Variants in NEBL observed in about 807,000 individuals in gnomAD.
NEBL encodes LIM and SH3 protein 2.
In NEBL, 122 loss-of-function variants were observed where a neutral mutation model predicts 140.2. That is an observed-to-expected ratio of 0.87 (90% CI 0.75 to 1.01). The LOEUF is 1.01. Ranked by LOEUF, NEBL falls within the 50% of genes least tolerant of loss-of-function variation. NEBL has a pLI of 0.00. For synonymous variants in NEBL, 436 were observed against 398.9 expected, an observed-to-expected ratio of 1.09 and a Z score of -1.11; for missense variants, 1,365 against 1,231.3, an observed-to-expected ratio of 1.11 and a Z score of -1.62.
chr10:20,834,950 A>G (rs1840731861), intron 14 of NEBL, among the ~76,000 whole-genome samples: 1 of 152,244 alleles, frequency 6.6e-6, no homozygotes, highest in Non-Finnish European at 1.5e-5. Flanking sequence ...TATCCCATGA[A>G]GAAAAAACTG....
intron 2 of NEBL, among the ~76,000 whole-genome samples, chr10:21,027,503 T>C (rs1284276056): frequency 6.9e-6 from 1 of 145,870 alleles, no homozygotes; most frequent in Non-Finnish European, 1.5e-5. Flanking sequence ...AATTTTTGTA[T>C]TTTTTTGTTG....
At chr10:20,975,947 C>A (rs1314012555) in intron 3 of NEBL, among the ~76,000 whole-genome samples, 2 of 152,212 alleles carry the variant, frequency 1.3e-5, no homozygotes, top group Non-Finnish European at 2.9e-5. Context: ...CCCTACTGAC[C>A]CCATCCAGTG....
chr10:21,008,481 G>T (rs1470093903), intron 3 of NEBL, among the ~76,000 whole-genome samples: 4 of 152,062 alleles, frequency 2.6e-5, no homozygotes, highest in African/African-American at 9.7e-5. Context: ...ATCAAAAAGT[G>T]AGCTAAGGAC....
At chr10:21,079,482 CAG>C (rs1456582620) in intron 2 of NEBL, among the ~76,000 whole-genome samples, 8 of 152,196 alleles carry the variant, frequency 5.3e-5, no homozygotes, top group Non-Finnish European at 1.5e-5. Flanking sequence ...AGTGGGCACA[CAG>C]AATTTGTGGA....
chr10:20,792,117 C>T (rs1447364905), intron 26 of NEBL, among the ~76,000 whole-genome samples: 1 of 93,782 alleles, frequency 1.1e-5, no homozygotes, highest in African/African-American at 4.3e-5. Flanking sequence ...GGCCAAATTC[C>T]AAATAGAAAA....
intron 2 of NEBL, among the ~76,000 whole-genome samples, chr10:21,132,607 T>C (rs1407474435): frequency 1.3e-5 from 2 of 152,244 alleles, no homozygotes; most frequent in African/African-American, 2.4e-5. Context: ...CCACCTGCGA[T>C]GTGTGAGAGT....
chr10:20,883,299 T>C (rs867091225), intron 4 of NEBL, among the ~76,000 whole-genome samples: 8 of 152,216 alleles, frequency 5.3e-5, no homozygotes, highest in Admixed American at 2.6e-4. Flanking sequence ...TCCAATCCTG[T>C]GGATTTGGTT....
chr10:20,917,858 C>T (rs894371114), intron 4 of NEBL, among the ~76,000 whole-genome samples: 1 of 152,066 alleles, frequency 6.6e-6, no homozygotes, highest in Non-Finnish European at 1.5e-5. Context: ...TCTTAACTTG[C>T]TCTTATTGAA....
chr10:21,105,331 C>T (rs1387094531), intron 2 of NEBL, among the ~76,000 whole-genome samples: 1 of 151,916 alleles, frequency 6.6e-6, no homozygotes, highest in Non-Finnish European at 1.5e-5. Flanking sequence ...TGCTATCCCT[C>T]CCCCAGTCCC....
chr10:21,174,187 G>A, exon 1 of NEBL: 1 of 331,846 alleles, frequency 3.0e-6, no homozygotes, highest in Non-Finnish European at 4.4e-6. Context: ...CGCCGCGCAG[G>A]CCAAACCCAC....
intron 3 of NEBL, among the ~76,000 whole-genome samples, chr10:21,003,407 C>T (rs796068843): frequency 1.3e-5 from 2 of 152,292 alleles, no homozygotes; most frequent in South Asian, 4.1e-4. Context: ...CTCGCCTGCC[C>T]CACAATCTCT....
intron 2 of NEBL, among the ~76,000 whole-genome samples, chr10:21,115,492 A>G (rs1000250795): frequency 6.6e-6 from 1 of 151,154 alleles, no homozygotes; most frequent in Non-Finnish European, 1.5e-5. Flanking sequence ...TATTTCATCT[A>G]TTCTTTAATT....
At chr10:21,029,758 TG>T in intron 2 of NEBL, 1 of 788,644 alleles carries the variant, frequency 1.3e-6, no homozygotes, top group Non-Finnish European at 2.3e-6. Context: ...TCGATATGGC[TG>T]GCGGTAGGGA....
intron 4 of NEBL, among the ~76,000 whole-genome samples, chr10:20,917,995 T>G (rs1009533666): frequency 1.3e-5 from 2 of 152,170 alleles, no homozygotes; most frequent in Non-Finnish European, 2.9e-5. Context: ...GGATCCAAAA[T>G]GATATATGCA....
intron 2 of NEBL, among the ~76,000 whole-genome samples, chr10:21,248,737 CACCAT>C (rs1274278512): frequency 6.6e-6 from 1 of 152,106 alleles, no homozygotes; most frequent in Non-Finnish European, 1.5e-5. Flanking sequence ...TTTGACAAAC[CACCAT>C]ACCATTTTCC....
chr10:20,899,545 G>T, upstream of NEBL: 1 of 590,584 alleles, frequency 1.7e-6, no homozygotes, highest in Non-Finnish European at 2.5e-6. Context: ...TTCCATTTGA[G>T]ATTCTAGAAT....
intron 3 of NEBL, among the ~76,000 whole-genome samples, chr10:21,226,254 A>G (rs1281308374): frequency 6.6e-6 from 1 of 151,572 alleles, no homozygotes; most frequent in Non-Finnish European, 1.5e-5. Flanking sequence ...CTGGTATCCA[A>G]TTGCAAGATA....
chr10:20,948,892 G>A (rs1009974862), intron 4 of NEBL, among the ~76,000 whole-genome samples: 1 of 152,190 alleles, frequency 6.6e-6, no homozygotes, highest in African/African-American at 2.4e-5. Context: ...AACGCCAAAG[G>A]TGGAAACCAA....
At chr10:21,069,495 C>T (rs911560331) in intron 2 of NEBL, among the ~76,000 whole-genome samples, 6 of 152,202 alleles carry the variant, frequency 3.9e-5, no homozygotes, top group Non-Finnish European at 8.8e-5. Flanking sequence ...TTTGACACCA[C>T]AGCGCCCGCC....
Sources: gnomAD v4.1 joint callset for allele counts (sites outside exome capture counted in the v4.1 genomes callset) on GRCh38, gnomAD v4.1.1 for gene constraint, MANE v1.5 for transcripts, NCBI Gene and HGNC (gene_info 2026-07-23, HGNC 2026-07-21) for gene names.